The following KIAA1328 variants were observed in gnomAD, a reference collection of about 807,000 sequenced individuals.
The protein encoded by KIAA1328 is KIAA1328, also known as protein hinderin.
In KIAA1328, 52 loss-of-function variants were observed where a neutral mutation model predicts 68.1. The observed-to-expected ratio is 0.76, with a 90% CI of 0.61 to 0.96. KIAA1328 has a LOEUF of 0.96. KIAA1328 is among the 40% of genes least tolerant of loss of function. KIAA1328 has a pLI of 0.00. For missense variants in KIAA1328, 641 were observed against 677.6 expected (o/e 0.95, Z 0.60); for synonymous variants, 232 against 239.4 (o/e 0.97, Z 0.28).
chr18:37,066,159 T>A (rs1227539578), intron 6 of KIAA1328, among the ~76,000 whole-genome samples: 1 of 152,242 alleles, frequency 6.6e-6, no homozygotes, highest in Non-Finnish European at 1.5e-5. Flanking sequence ...TTGTTCTCGC[T>A]GACAGAACAG....
At chr18:37,083,838 G>A (rs556896650) in intron 7 of KIAA1328, among the ~76,000 whole-genome samples, 4 of 152,276 alleles carry the variant, frequency 2.6e-5, no homozygotes, top group African/African-American at 9.6e-5. Context: ...ACTTTCTGCG[G>A]CAGAGATTTA....
At chr18:37,001,093 T>C (rs2053571029) in intron 6 of KIAA1328, among the ~76,000 whole-genome samples, 1 of 151,818 alleles carries the variant, frequency 6.6e-6, no homozygotes, top group Non-Finnish European at 1.5e-5. Context: ...AGTGGATTTT[T>C]AAAAAAGATA....
intron 6 of KIAA1328, among the ~76,000 whole-genome samples, chr18:37,044,019 T>C (rs1214230984): frequency 1.3e-5 from 2 of 152,184 alleles, no homozygotes; most frequent in Non-Finnish European, 2.9e-5. Flanking sequence ...TTTTAAGATA[T>C]CTCAGATGTC....
intron 5 of KIAA1328, among the ~76,000 whole-genome samples, chr18:36,907,179 GT>G (rs112250342): frequency 2.0e-5 from 3 of 151,702 alleles, no homozygotes; most frequent in South Asian, 2.1e-4. Context: ...GTTTTATGAG[GT>G]TTTTTTTGTA....
intron 5 of KIAA1328, among the ~76,000 whole-genome samples, chr18:36,908,777 A>G (rs1008308390): frequency 2.6e-4 from 40 of 152,172 alleles, no homozygotes; most frequent in African/African-American, 9.7e-4. Context: ...TATATTACCT[A>G]TTATTTGTAT....
intron 5 of KIAA1328, among the ~76,000 whole-genome samples, chr18:36,940,499 C>T (rs966746852): frequency 1.3e-5 from 2 of 152,082 alleles, no homozygotes; most frequent in African/African-American, 4.8e-5. Context: ...GTTGACAAAG[C>T]TTGCTGTAGT....
At position 36,914,812 on chromosome 18, in the gene KIAA1328, T is replaced by C. The variant is rs531044028; in HGVS notation, c.448+29140T>C. On this transcript the variant is annotated intron_variant, in intron 5 of 9. Transcript: ENST00000280020. The stretch of plus-strand genomic sequence containing the variant: ...CAAGGAAAAATTGGAAACTGAAATT[T>C]TAAAAATAGCACCATTTATGATACT... Among the ~76,000 whole-genome samples the C allele has an allele frequency of 1.3e-4, 20 of 152,222 alleles. No homozygotes were observed. In the East Asian group the frequency reaches 3.5e-3, roughly 26 times the overall value.
intron 9 of KIAA1328, among the ~76,000 whole-genome samples, chr18:37,204,768 A>C (rs1051159871): frequency 6.6e-6 from 1 of 151,698 alleles, no homozygotes; most frequent in Admixed American, 6.6e-5. Flanking sequence ...CAGTCAAAAA[A>C]AAAAAAAAAA....
rs2060579280 is a variant in KIAA1328, at chr18:37,222,282, G to T, written c.*55G>T. ...TGGGTTTCCTCACATACTGATCTAGGATTTTAAATTATTTCATTGCAAAGT... is the reference window on the plus strand; with the variant it reads ...TGGGTTTCCTCACATACTGATCTAGTATTTTAAATTATTTCATTGCAAAGT... On this transcript the variant is annotated 3_prime_UTR_variant, in exon 10 of 10. Transcript: ENST00000280020. 2 of 1,541,580 alleles carry T rather than the reference G, an allele frequency of 1.3e-6. No homozygotes were observed. Among genetic ancestry groups the T allele is most frequent in the African/African-American group, 2.8e-5 (2 of 72,596 alleles).
Position 37,222,512 on chromosome 18 carries a change from C to T in KIAA1328, c.*285C>T, listed in dbSNP as rs2060583257. On this transcript the variant is annotated 3_prime_UTR_variant, in exon 10 of 10. Transcript: ENST00000280020. ...AGGATACTTTCTGCGTGGTGGAAAC[C>T]ATTGCATATTCAGCCTCATTTCAAG... 20 of 1,206,370 alleles carry T rather than the reference C, an allele frequency of 1.7e-5. No homozygotes were observed. Among genetic ancestry groups the T allele is most frequent in the Non-Finnish European group, 2.1e-5 (20 of 964,860 alleles). The allele number at this position is 1,206,370 out of a possible 1,614,324, so 74.7% of individuals were successfully genotyped here.
chr18:36,900,254 GATCAA>G (rs1053109044), intron 5 of KIAA1328, among the ~76,000 whole-genome samples: 1 of 151,904 alleles, frequency 6.6e-6, no homozygotes, highest in African/African-American at 2.4e-5. Flanking sequence ...CCCTTCTCAT[GATCAA>G]AATACCCTGA....
intron 4 of KIAA1328, among the ~76,000 whole-genome samples, chr18:36,870,627 G>T (rs1165212183): frequency 1.3e-5 from 2 of 152,080 alleles, no homozygotes; most frequent in Non-Finnish European, 2.9e-5. Flanking sequence ...GGAAAGGTTT[G>T]CCCAGCTTTG....
intron 7 of KIAA1328, among the ~76,000 whole-genome samples, chr18:37,108,527 A>G (rs2057837270): frequency 6.6e-6 from 1 of 152,242 alleles, no homozygotes; most frequent in African/African-American, 2.4e-5. Flanking sequence ...GAAATTAAAA[A>G]TTATTTGTAA....
chr18:36,946,404 T>C (rs1407573246), intron 5 of KIAA1328: 1 of 152,224 alleles, frequency 6.6e-6, no homozygotes, highest in African/African-American at 2.4e-5. Flanking sequence ...AGATGATTGA[T>C]ACGCATACCG....
intron 7 of KIAA1328, among the ~76,000 whole-genome samples, chr18:37,117,355 A>T (rs2058140409): frequency 6.6e-6 from 1 of 152,202 alleles, no homozygotes; most frequent in Non-Finnish European, 1.5e-5. Context: ...ACATGGATGA[A>T]GCTAGAAACC....
intron 6 of KIAA1328, among the ~76,000 whole-genome samples, chr18:37,005,091 C>G (rs984092085): frequency 1.3e-5 from 2 of 151,834 alleles, no homozygotes; most frequent in African/African-American, 4.8e-5. Flanking sequence ...ACTTTCAGGA[C>G]CTGAGGGAAA....
At chr18:37,084,204 G>T in intron 7 of KIAA1328, 4 of 1,525,996 alleles carry the variant, frequency 2.6e-6, no homozygotes, top group Non-Finnish European at 3.5e-6. Flanking sequence ...ACTCAAACTG[G>T]ATATGAATGG....
At chr18:36,894,578 ACAGTGGT>A (rs2048808362) in intron 5 of KIAA1328, among the ~76,000 whole-genome samples, 1 of 151,904 alleles carries the variant, frequency 6.6e-6, no homozygotes, top group Non-Finnish European at 1.5e-5. Flanking sequence ...TAGTTGGAGC[ACAGTGGT>A]GCAGTCATGG....
In KIAA1328 at chr18:37,066,746, CTG is replaced by C. The variant is rs2056350972; in HGVS notation, c.577-139_577-138del. 5 of 714,234 alleles carry C rather than the reference CTG, an allele frequency of 7.0e-6. No homozygotes were observed. In the Admixed American group the frequency reaches 1.6e-4, roughly 22 times the overall value. 44.2% of individuals were successfully genotyped at this position (714,234 alleles called of 1,614,324 possible). A position where few individuals can be genotyped will look rare whatever the true frequency, so the allele number is the denominator to read the frequency against. On this transcript the variant is annotated intron_variant, in intron 6 of 9. Transcript: ENST00000280020. ...AGCTTTGGGGCACAAGTCTGTTTAGCTGTGTGAATGCTATAATTTAATATTTA... is the reference window on the plus strand; with the variant it reads ...AGCTTTGGGGCACAAGTCTGTTTAGCTGTGAATGCTATAATTTAATATTTA...
Sources: allele counts gnomAD v4.1 joint callset (sites outside exome capture counted in the v4.1 genomes callset), GRCh38; gene constraint gnomAD v4.1.1; transcripts MANE v1.5; gene names NCBI Gene and HGNC (gene_info 2026-07-23, HGNC 2026-07-21).